WDPCP: variants seen among roughly 807,000 people sequenced by gnomAD.
WDPCP encodes the protein WD repeat containing planar cell polarity effector.
In WDPCP, 71 loss-of-function variants were observed where a neutral mutation model predicts 93.1. The ratio of observed to expected loss-of-function variants is 0.76; its 90% CI spans 0.63 to 0.93. WDPCP has a LOEUF of 0.93. WDPCP is among the 40% of genes least tolerant of loss of function. The pLI is 0.00. For missense variants in WDPCP, 844 were observed against 887.4 expected, an observed-to-expected ratio of 0.95 and a Z score of 0.62; for synonymous variants, 315 against 315.0, an observed-to-expected ratio of 1.00 and a Z score of 0.00.
At chr2:63,370,679 C>A (rs1412895324) in intron 12 of WDPCP, among the ~76,000 whole-genome samples, 3 of 151,994 alleles carry the variant, frequency 2.0e-5, no homozygotes, top group Non-Finnish European at 2.9e-5. Context: ...TTACCATTTT[C>A]TTTCATGTGT....
Position 63,436,986 on chromosome 2 carries a change from A to G in WDPCP, c.633+435T>C, listed in dbSNP as rs144669253. On this transcript the variant is annotated intron_variant, in intron 8 of 17. Coordinates refer to ENST00000272321, the MANE Select transcript of WDPCP (RefSeq NM_015910.7). ...GTTCTTCCCCCTCCTTGTTTATTACACTTTTCTATTAACCTTTCAAAGTGC... is the reference window on the plus strand; with the variant it reads ...GTTCTTCCCCCTCCTTGTTTATTACGCTTTTCTATTAACCTTTCAAAGTGC... Among the ~76,000 whole-genome samples the G allele has an allele frequency of 4.2e-3, 642 of 152,088 alleles. 8 individuals are homozygous for G. Among genetic ancestry groups the G allele is most frequent in the African/African-American group, 0.014 (600 of 41,512 alleles).
At chr2:63,267,918 GT>G (rs1682277516) in intron 13 of WDPCP, among the ~76,000 whole-genome samples, 1 of 152,074 alleles carries the variant, frequency 6.6e-6, no homozygotes, top group Non-Finnish European at 1.5e-5. Context: ...CAGTATGGAG[GT>G]TTCTTAAAAA....
At chr2:63,552,954 G>A (rs770014696) in intron 1 of WDPCP, among the ~76,000 whole-genome samples, 1 of 152,196 alleles carries the variant, frequency 6.6e-6, no homozygotes, top group Non-Finnish European at 1.5e-5. Flanking sequence ...GTTAAGAAAA[G>A]TTAGATAGGT....
At chr2:63,263,888 A>G (rs1294270141) in intron 13 of WDPCP, among the ~76,000 whole-genome samples, 1 of 152,214 alleles carries the variant, frequency 6.6e-6, no homozygotes, top group Non-Finnish European at 1.5e-5. Flanking sequence ...ATCAACAGAT[A>G]TTAGCTAATC....
chr2:63,599,117 T>A (rs191978512), intron 3 of WDPCP: 33 of 1,553,142 alleles, frequency 2.1e-5, no homozygotes, highest in Non-Finnish European at 1.7e-5. Context: ...TTAACATAGA[T>A]TAGTTAGTAA....
intron 3 of WDPCP, chr2:63,606,822 G>A: frequency 6.5e-7 from 1 of 1,543,504 alleles, no homozygotes; most frequent in Non-Finnish European, 8.8e-7. Flanking sequence ...TGAAAGATCA[G>A]TTCCAGTTTA....
chr2:63,453,729 T>C (rs924855571), intron 6 of WDPCP, among the ~76,000 whole-genome samples: 6 of 151,874 alleles, frequency 4.0e-5, no homozygotes, highest in Non-Finnish European at 8.8e-5. Context: ...ATTAAGAAAA[T>C]GTGGCACATA....
intron 1 of WDPCP, among the ~76,000 whole-genome samples, chr2:63,815,271 T>C (rs781263793): frequency 9.2e-5 from 14 of 152,152 alleles, no homozygotes; most frequent in Non-Finnish European, 1.8e-4. Flanking sequence ...TCCTAGAATT[T>C]TGAACAAAGG....
chr2:63,218,082 A>G (rs1229791947), intron 14 of WDPCP, among the ~76,000 whole-genome samples: 1 of 152,204 alleles, frequency 6.6e-6, no homozygotes, highest in East Asian at 1.9e-4. Context: ...TGAGAATTCA[A>G]TTTGATAATT....
intron 2 of WDPCP, among the ~76,000 whole-genome samples, chr2:63,773,343 T>G (rs137985132): frequency 3.7e-4 from 56 of 151,944 alleles, no homozygotes; most frequent in African/African-American, 1.3e-3. Context: ...ACATAAGGAG[T>G]AAATGTTGTA....
intron 15 of WDPCP, among the ~76,000 whole-genome samples, chr2:63,166,602 G>A (rs572787604): frequency 9.3e-5 from 14 of 150,224 alleles, no homozygotes; most frequent in African/African-American, 3.4e-4. Flanking sequence ...CATATTTGCC[G>A]AGCTGGTCTC....
intron 12 of WDPCP, among the ~76,000 whole-genome samples, chr2:63,313,936 C>T (rs1447908572): frequency 3.9e-5 from 2 of 51,470 alleles, no homozygotes; most frequent in Admixed American, 4.8e-4. Flanking sequence ...GGCTGGAGTG[C>T]AGGGGCATGA....
intron 12 of WDPCP, among the ~76,000 whole-genome samples, chr2:63,334,758 C>G (rs1392723625): frequency 6.6e-6 from 1 of 152,054 alleles, no homozygotes; most frequent in East Asian, 1.9e-4. Flanking sequence ...ACTCACTAAG[C>G]CAAAGGGAAA....
chr2:63,559,421 A>G (rs1480945000), intron 1 of WDPCP, among the ~76,000 whole-genome samples: 1 of 152,236 alleles, frequency 6.6e-6, no homozygotes, highest in East Asian at 1.9e-4. Flanking sequence ...ATTTCTGGCC[A>G]GGGCAATCAG....
chr2:63,317,282 C>A (rs886667225), intron 12 of WDPCP, among the ~76,000 whole-genome samples: 3 of 151,822 alleles, frequency 2.0e-5, no homozygotes, highest in African/African-American at 7.3e-5. Context: ...GTGGCGGGCA[C>A]CTGTAATCCC....
chr2:63,287,518 T>C (rs1203547853), intron 13 of WDPCP, among the ~76,000 whole-genome samples: 1 of 152,194 alleles, frequency 6.6e-6, no homozygotes, highest in Non-Finnish European at 1.5e-5. Context: ...AACTTTTTAG[T>C]GCTCCTCCCA....
chr2:63,819,531 A>C (rs1478685939), intron 1 of WDPCP, among the ~76,000 whole-genome samples: 1 of 152,194 alleles, frequency 6.6e-6, no homozygotes, highest in Non-Finnish European at 1.5e-5. Context: ...CTCCTGGAGG[A>C]CTTGTATTAA....
At chr2:63,265,690 C>CA (rs544624071) in intron 13 of WDPCP, among the ~76,000 whole-genome samples, 2 of 152,132 alleles carry the variant, frequency 1.3e-5, no homozygotes, top group Non-Finnish European at 2.9e-5. Context: ...ATACCAAAGC[C>CA]AGACAAAGAC....
At position 63,404,314 on chromosome 2, in the gene WDPCP, G is replaced by A. The variant is rs756765091; in HGVS notation, c.1169C>T (p.Ala390Val). 6.2e-7 allele frequency: 1 copy of A among 1,614,102 alleles called. No homozygotes were observed. ...TTGGTTGCTGCCAACTAGCAGAATGGCACCACTTGGGTGGCAGCTTATTAA... is the reference window on the plus strand; with the variant it reads ...TTGGTTGCTGCCAACTAGCAGAATGACACCACTTGGGTGGCAGCTTATTAA... ...PSLISCHPSG[A>V]ILLVGSNQGE... The change falls in exon 10 of 18, where the codon GCC becomes GTC. Residue 390 changes from alanine to valine, a missense_variant. Ala to Val is a moderately conservative substitution (Grantham distance 64). Coordinates refer to ENST00000272321, the MANE Select transcript of WDPCP (RefSeq NM_015910.7).
Sources: allele counts gnomAD v4.1 joint callset (sites outside exome capture counted in the v4.1 genomes callset), GRCh38; gene constraint gnomAD v4.1.1; transcripts MANE v1.5; gene names NCBI Gene and HGNC (gene_info 2026-07-23, HGNC 2026-07-21).